The following ARHGAP6 variants were observed in gnomAD, a reference collection of about 807,000 sequenced individuals.
The protein encoded by ARHGAP6 is Rho GTPase activating protein 6, also known as rho GTPase-activating protein 6.
ARHGAP6 carries 16 observed loss-of-function variants against 55.7 expected under a neutral mutation model. The observed-to-expected ratio is 0.29, with a 90% CI of 0.19 to 0.44. ARHGAP6 has a LOEUF of 0.44. Among genes scored for constraint, ARHGAP6 ranks in the 20% least tolerant of loss-of-function variants. The pLI, the probability that ARHGAP6 is intolerant of heterozygous loss-of-function variation, is 1.00. For synonymous variants in ARHGAP6, 382 were observed against 360.9 expected, an observed-to-expected ratio of 1.06 and a Z score of -0.66; for missense variants, 698 against 808.9, an observed-to-expected ratio of 0.86 and a Z score of 1.66.
rs199899751 is a variant in ARHGAP6 at position 11,227,793 on chromosome X, C to CTT, written c.748+26753_748+26754dup. Among the ~76,000 whole-genome samples, 595 of 108,155 alleles carry CTT rather than the reference C, an allele frequency of 5.5e-3. 6 individuals are homozygous for CTT. The highest frequency in any genetic ancestry group is 0.019 in the African/African-American group (549 of 29,457). The allele number at this position is 108,155 out of a possible 115,157, so 93.9% of individuals were successfully genotyped here. On this transcript the variant is annotated intron_variant, in intron 2 of 12. Transcript: ENST00000337414. ...AAATGCTTTTAAAATCTTTCTTTTTCTTTTTTCTTTTTTTTTTTTTGACTG... is the reference window on the plus strand; with the variant it reads ...AAATGCTTTTAAAATCTTTCTTTTTCTTTTTTTTCTTTTTTTTTTTTTGACTG...
At chrX:11,568,885 A>C (rs1171165256) in intron 1 of ARHGAP6, among the ~76,000 whole-genome samples, 10 of 112,118 alleles carry the variant, frequency 8.9e-5, no homozygotes, top group Admixed American at 7.6e-4. Flanking sequence ...CTCTTTCCTT[A>C]CATACAGAAG....
chrX:11,592,468 G>C (rs1411169376), intron 1 of ARHGAP6, among the ~76,000 whole-genome samples: 3 of 111,700 alleles, frequency 2.7e-5, no homozygotes, highest in Admixed American at 9.5e-5. Context: ...TGAGAATACA[G>C]ATGAAGCTCT....
At chrX:11,299,084 T>C in intron 1 of ARHGAP6, 1 of 936,294 alleles carries the variant, frequency 1.1e-6, no homozygotes. Flanking sequence ...TTGTAGTAGT[T>C]ACAGGTCTAT....
At chrX:11,356,141 G>A (rs1439921881) in intron 1 of ARHGAP6, among the ~76,000 whole-genome samples, 1 of 110,914 alleles carries the variant, frequency 9.0e-6, no homozygotes, top group Admixed American at 9.7e-5. Context: ...TAAAGAATGA[G>A]GAATGATTAG....
rs1482355415 is a variant in ARHGAP6, at chrX:11,346,246, T to G, written c.589-91539A>C. Reference sequence around the variant, plus strand: ...TGGGACAAATCCAGTCCACTGTCTGTTTCTGTGAATACAGTATTAATTTAA... The same window carrying G: ...TGGGACAAATCCAGTCCACTGTCTGGTTCTGTGAATACAGTATTAATTTAA... On this transcript the variant is annotated intron_variant, in intron 1 of 12. Coordinates refer to ENST00000337414, the MANE Select transcript of ARHGAP6 (RefSeq NM_013427.3). Among the ~76,000 whole-genome samples, 4 of 112,114 alleles carry G rather than the reference T, an allele frequency of 3.6e-5. No individual in the cohort carries two copies. In the East Asian group the frequency reaches 1.1e-3, roughly 31 times the overall value.
Position 11,139,332 on chromosome X carries a change from C to T in ARHGAP6, c.2456G>A (p.Cys819Tyr). Residue 819 changes from cysteine to tyrosine, a missense_variant, in exon 13 of 13, where the codon TGC becomes TAC. Coordinates refer to ENST00000337414, the MANE Select transcript of ARHGAP6 (RefSeq NM_013427.3). Reference protein sequence around the residue: ...GRAHPAVSRACSTPHVQVAGK... With the variant: ...GRAHPAVSRAYSTPHVQVAGK... ...TGCCACCTGGACGTGGGGCGTGCTG[C>T]AGGCGCGCGACACCGCAGGGTGGGC... The T allele has an allele frequency of 8.5e-7, 1 of 1,179,455 alleles. No homozygotes were observed. Among genetic ancestry groups the T allele is most frequent in the Non-Finnish European group, 1.1e-6 (1 of 880,755 alleles).
intron 1 of ARHGAP6, among the ~76,000 whole-genome samples, chrX:11,410,774 C>T (rs1232053479): frequency 6.3e-5 from 7 of 110,899 alleles, no homozygotes; most frequent in East Asian, 2.8e-4. Flanking sequence ...AACACATTTC[C>T]GGCTCTCGCA....
Position 11,138,854 on chromosome X carries a change from G to A in ARHGAP6, c.*9C>T. 8.5e-7 allele frequency: 1 copy of A among 1,174,446 alleles called. No individual in the cohort carries two copies. The highest frequency in any genetic ancestry group is 1.1e-6 in the Non-Finnish European group (1 of 883,260). On this transcript the variant is annotated 3_prime_UTR_variant, in exon 13 of 13. Coordinates refer to ENST00000337414, the MANE Select transcript of ARHGAP6 (RefSeq NM_013427.3). Reference sequence around the variant, plus strand: ...GCTCGGGGCAGGGGGGGCTCGGCTGGGTGCGGGCTCAGACCAGCGTCTCGG... The same window carrying A: ...GCTCGGGGCAGGGGGGGCTCGGCTGAGTGCGGGCTCAGACCAGCGTCTCGG...
intron 1 of ARHGAP6, among the ~76,000 whole-genome samples, chrX:11,447,567 A>T (rs775411149): frequency 8.9e-6 from 1 of 112,319 alleles, no homozygotes; most frequent in Admixed American, 9.4e-5. Flanking sequence ...TGTGGCAGAG[A>T]TTGTCTAGTC....
intron 1 of ARHGAP6, among the ~76,000 whole-genome samples, chrX:11,441,927 T>C (rs747137803): frequency 1.5e-4 from 17 of 109,851 alleles, no homozygotes; most frequent in African/African-American, 9.9e-5. Context: ...TCTACACATA[T>C]GTATTTGAAA....
intron 1 of ARHGAP6, among the ~76,000 whole-genome samples, chrX:11,413,968 A>C (rs934504063): frequency 9.0e-6 from 1 of 111,688 alleles, no homozygotes; most frequent in African/African-American, 3.3e-5. Context: ...ACACATACCC[A>C]GTTCTGCACA....
chrX:11,531,392 A>C (rs2051047666), intron 1 of ARHGAP6, among the ~76,000 whole-genome samples: 1 of 111,482 alleles, frequency 9.0e-6, no homozygotes, highest in African/African-American at 3.3e-5. Context: ...CAAATGTAAA[A>C]GTTTACATTG....
intron 1 of ARHGAP6, among the ~76,000 whole-genome samples, chrX:11,410,018 T>C (rs1017954561): frequency 6.2e-5 from 7 of 112,091 alleles, no homozygotes; most frequent in African/African-American, 1.6e-4. Context: ...TCAAACACCA[T>C]TGTGGGAATG....
rs148978635 is a variant in ARHGAP6, at chrX:11,616,517, G to A, written c.588+47724C>T. ...ATTTTTTTGTATTTTTAGTACAGAC[G>A]GGTTTTCACCATGTTGGCCAGGCTA... On this transcript the variant is annotated intron_variant, in intron 1 of 12. Coordinates refer to ENST00000337414, the MANE Select transcript of ARHGAP6 (RefSeq NM_013427.3). Among the ~76,000 whole-genome samples, 261 of 110,282 alleles carry A rather than the reference G, an allele frequency of 2.4e-3. 1 individual carries two copies. Among genetic ancestry groups the A allele is most frequent in the African/African-American group, 8.3e-3 (252 of 30,278 alleles).
intron 1 of ARHGAP6, among the ~76,000 whole-genome samples, chrX:11,433,287 A>T (rs180734653): frequency 8.9e-6 from 1 of 112,540 alleles, no homozygotes; most frequent in Non-Finnish European, 1.9e-5. Flanking sequence ...TCAGGGAAAG[A>T]AAACAAGTGA....
intron 1 of ARHGAP6, among the ~76,000 whole-genome samples, chrX:11,651,879 C>G (rs1225645790): frequency 8.9e-6 from 1 of 112,224 alleles, no homozygotes; most frequent in Non-Finnish European, 1.9e-5. Flanking sequence ...TTGCATTTCT[C>G]TAATCATCAG....
At chrX:11,479,246 C>G (rs2050432456) in intron 1 of ARHGAP6, among the ~76,000 whole-genome samples, 3 of 112,058 alleles carry the variant, frequency 2.7e-5, no homozygotes, top group African/African-American at 9.7e-5. Flanking sequence ...GCACAAGAAG[C>G]AACACATCTT....
In ARHGAP6 at chrX:11,661,484, C is replaced by T. The variant is rs1340125756; in HGVS notation, c.588+2757G>A. Among the ~76,000 whole-genome samples, 3 of 112,639 alleles carry T rather than the reference C, an allele frequency of 2.7e-5. No individual in the cohort carries two copies. The Admixed American group carries it at 2.8e-4, about 11-fold the overall frequency. Reference sequence around the variant, plus strand: ...GTAAGCTTTGAACGAGCACAAGTAACAAAGCTGCAGGCATTTGTGAGAGTC... The same window carrying T: ...GTAAGCTTTGAACGAGCACAAGTAATAAAGCTGCAGGCATTTGTGAGAGTC... On this transcript the variant is annotated intron_variant, in intron 1 of 12. Transcript: ENST00000337414.
intron 1 of ARHGAP6, among the ~76,000 whole-genome samples, chrX:11,381,171 C>T (rs181191423): frequency 8.9e-6 from 1 of 112,707 alleles, no homozygotes; most frequent in African/African-American, 3.2e-5. Context: ...GAGGCAATAT[C>T]ATCCAAACTC....
Sources: allele counts gnomAD v4.1 joint callset (sites outside exome capture counted in the v4.1 genomes callset), GRCh38; gene constraint gnomAD v4.1.1; transcripts MANE v1.5; gene names NCBI Gene and HGNC (gene_info 2026-07-23, HGNC 2026-07-21).